The following PHACTR4 variants were observed in gnomAD, a reference collection of about 807,000 sequenced individuals.
PHACTR4 encodes the protein protein phosphatase 1, regulatory subunit 124.
In PHACTR4, 51 loss-of-function variants were observed where a neutral mutation model predicts 72.7. The ratio of observed to expected loss-of-function variants is 0.70; its 90% confidence interval spans 0.56 to 0.89. The LOEUF (loss-of-function observed/expected upper bound fraction) is 0.89, where lower values mean the gene tolerates loss of function less well. PHACTR4 is among the 40% of genes least tolerant of loss of function. The pLI, the probability that PHACTR4 is intolerant of heterozygous loss-of-function variation, is 0.00. For synonymous variants in PHACTR4, 255 were observed against 302.5 expected, an observed-to-expected ratio of 0.84 and a Z score of 1.63; for missense variants, 731 against 861.8, an observed-to-expected ratio of 0.85 and a Z score of 1.90.
At chr1:28,380,046 T>A (rs1163874730) in intron 1 of PHACTR4, among the ~76,000 whole-genome samples, 1 of 146,738 alleles carries the variant, frequency 6.8e-6, no homozygotes, top group East Asian at 2.0e-4. Flanking sequence ...TTTTTTTAAA[T>A]GTAACTTTTT....
intron 1 of PHACTR4, among the ~76,000 whole-genome samples, chr1:28,378,730 G>C (rs1478339658): frequency 1.3e-5 from 2 of 151,816 alleles, no homozygotes; most frequent in Non-Finnish European, 2.9e-5. Flanking sequence ...TATTGGAGAT[G>C]TGCACAGAGA....
chr1:28,372,884 A>G (rs1265268076), intron 1 of PHACTR4, among the ~76,000 whole-genome samples: 2 of 151,796 alleles, frequency 1.3e-5, no homozygotes, highest in African/African-American at 4.8e-5. Flanking sequence ...ATAATAAACT[A>G]AGAAACAGCA....
At chr1:28,396,392 G>A (rs1216082525) in intron 1 of PHACTR4, among the ~76,000 whole-genome samples, 2 of 151,604 alleles carry the variant, frequency 1.3e-5, no homozygotes, top group African/African-American at 4.8e-5. Flanking sequence ...TTAGCTGGGC[G>A]TGGTGGTATG....
intron 1 of PHACTR4, among the ~76,000 whole-genome samples, chr1:28,373,971 C>T (rs574875218): frequency 1.3e-5 from 2 of 152,294 alleles, no homozygotes; most frequent in South Asian, 4.1e-4. Context: ...GCACCAACAG[C>T]TTTAATTTGC....
At chr1:28,483,811 A>G (rs868803618) in intron 9 of PHACTR4, among the ~76,000 whole-genome samples, 17 of 151,578 alleles carry the variant, frequency 1.1e-4, no homozygotes, top group South Asian at 2.1e-4. Flanking sequence ...AAAAAAAAAA[A>G]AAAAAAAAGA....
intron 9 of PHACTR4, among the ~76,000 whole-genome samples, chr1:28,485,535 C>T (rs964127934): frequency 7.3e-5 from 11 of 151,156 alleles, no homozygotes; most frequent in African/African-American, 1.7e-4. Context: ...TTCAGTGAGC[C>T]GGGATCCCGT....
At chr1:28,376,929 G>T (rs563338148) in intron 1 of PHACTR4, among the ~76,000 whole-genome samples, 1 of 150,344 alleles carries the variant, frequency 6.7e-6, no homozygotes, top group African/African-American at 2.4e-5. Flanking sequence ...GAGCCAGCGC[G>T]CCCGGCCTTA....
At chr1:28,471,518 C>T (rs2124497690) in intron 6 of PHACTR4, among the ~76,000 whole-genome samples, 1 of 138,506 alleles carries the variant, frequency 7.2e-6, no homozygotes, top group East Asian at 2.0e-4. Flanking sequence ...ATCAAAAGAA[C>T]TACTTTTTTT....
chr1:28,381,519 C>G (rs1038198142), intron 1 of PHACTR4, among the ~76,000 whole-genome samples: 1 of 135,812 alleles, frequency 7.4e-6, no homozygotes, highest in African/African-American at 2.8e-5. Flanking sequence ...AGTATGGTCT[C>G]GATCTCCTGA....
chr1:28,413,432 T>G (rs960804331), intron 2 of PHACTR4, among the ~76,000 whole-genome samples: 4 of 152,216 alleles, frequency 2.6e-5, no homozygotes, highest in African/African-American at 9.6e-5. Flanking sequence ...CAGCTTTGCT[T>G]CTTTCCTGTG....
intron 1 of PHACTR4, among the ~76,000 whole-genome samples, chr1:28,375,556 G>A (rs1405830371): frequency 2.0e-5 from 3 of 151,958 alleles, no homozygotes. Flanking sequence ...CATGGTAGTG[G>A]ACATCTGTAC....
chr1:28,465,822 C>A lies in PHACTR4; in HGVS notation c.409C>A (p.Pro137Thr). Reference sequence around the variant, plus strand: ...ATTAGCAAGTCTTAGGAAAGCTATTCCAGAAGAGGACCTAAAGAAACGACT... The same window carrying A: ...ATTAGCAAGTCTTAGGAAAGCTATTACAGAAGAGGACCTAAAGAAACGACT... ...VRLASLRKAI[P>T]EEDLKKRLGS... The change falls in exon 5 of 14, where the codon CCA becomes ACA. Residue 137 changes from proline to threonine, a missense_variant. Transcript: ENST00000373839. The A allele has an allele frequency of 6.2e-7, 1 of 1,612,204 alleles. No individual in the cohort carries two copies. Among genetic ancestry groups the A allele is most frequent in the Non-Finnish European group, 8.5e-7 (1 of 1,179,378 alleles).
intron 2 of PHACTR4, among the ~76,000 whole-genome samples, chr1:28,407,687 A>G (rs1189737207): frequency 6.6e-6 from 1 of 152,228 alleles, no homozygotes; most frequent in African/African-American, 2.4e-5. Context: ...TTGCTGTATT[A>G]CAAATTAAAC....
chr1:28,452,416 G>A (rs1658042905), intron 2 of PHACTR4, among the ~76,000 whole-genome samples: 1 of 152,192 alleles, frequency 6.6e-6, no homozygotes, highest in African/African-American at 2.4e-5. Flanking sequence ...TGAGGTGGGA[G>A]GATCACTTGA....
At chr1:28,410,319 G>C (rs1042541077) in intron 2 of PHACTR4, among the ~76,000 whole-genome samples, 5 of 151,946 alleles carry the variant, frequency 3.3e-5, no homozygotes, top group African/African-American at 1.2e-4. Flanking sequence ...GAAGAATTTG[G>C]TAAACTGAGT....
Position 28,499,838 on chromosome 1 carries a change from T to C in PHACTR4, c.*3289T>C, listed in dbSNP as rs560493000. 2 of 152,306 alleles carry C rather than the reference T, an allele frequency of 1.3e-5. No individual in the cohort carries two copies. Among genetic ancestry groups the C allele is most frequent in the African/African-American group, 4.8e-5 (2 of 41,582 alleles). The allele number at this position is 152,306 out of a possible 1,614,324, so 9.4% of individuals were successfully genotyped here. A position where few individuals can be genotyped will look rare whatever the true frequency, so the allele number is the denominator to read the frequency against. On this transcript the variant is annotated 3_prime_UTR_variant, in exon 14 of 14. Coordinates refer to ENST00000373839, the MANE Select transcript of PHACTR4 (RefSeq NM_001048183.3). The stretch of plus-strand genomic sequence containing the variant: ...AGAGAAGTGACAATTCCACTCAGTC[T>C]ATTAGAGGTCTGGATATAAGGTAGC...
chr1:28,369,913 C>T (rs1357931766), intron 1 of PHACTR4, 88 bp downstream of exon 1: 2 of 397,482 alleles, frequency 5.0e-6, no homozygotes, highest in Non-Finnish European at 4.9e-6. Context: ...TTTCTTGGCT[C>T]TGCGAGAGGG....
chr1:28,402,112 AAGAG>A (rs534769028), intron 1 of PHACTR4, among the ~76,000 whole-genome samples: 62 of 152,302 alleles, frequency 4.1e-4, no homozygotes, highest in African/African-American at 1.3e-3. Flanking sequence ...CTGTGAGAGA[AAGAG>A]AAGAGTCAAG....
chr1:28,473,277 A>AAAAC (rs1317421708), intron 6 of PHACTR4, among the ~76,000 whole-genome samples: 1,150 of 78,130 alleles, frequency 0.015, 12 homozygotes, highest in African/African-American at 0.053. Flanking sequence ...CCCTGTCTCA[A>AAAAC]AAAAAAAAAA....
Sources: allele counts gnomAD v4.1 joint callset (sites outside exome capture counted in the v4.1 genomes callset), GRCh38; gene constraint gnomAD v4.1.1; transcripts MANE v1.5; gene names NCBI Gene and HGNC (gene_info 2026-07-23, HGNC 2026-07-21).